The following SYT9 variants were observed in gnomAD, a reference collection of about 807,000 sequenced individuals.
SYT9 encodes the protein synaptotagmin 9.
In SYT9, 22 loss-of-function variants were observed where a neutral mutation model predicts 48.4. The observed-to-expected ratio is 0.45, with a 90% CI of 0.32 to 0.65. The LOEUF (loss-of-function observed/expected upper bound fraction) is 0.65, where lower values mean the gene tolerates loss of function less well. Ranked by LOEUF, SYT9 falls within the 30% of genes least tolerant of loss-of-function variation. SYT9 has a pLI of 0.03. For missense variants in SYT9, 577 were observed against 622.0 expected, an observed-to-expected ratio of 0.93 and a Z score of 0.77; for synonymous variants, 265 against 245.0, an observed-to-expected ratio of 1.08 and a Z score of -0.76.
chr11:7,465,096 G>A (rs780208815), intron 6 of SYT9, among the ~76,000 whole-genome samples: 1 of 151,680 alleles, frequency 6.6e-6, no homozygotes, highest in Non-Finnish European at 1.5e-5. Context: ...CAAAAAAAAC[G>A]AAAGTAGAGC....
At chr11:7,279,541 C>G (rs74379356) in intron 1 of SYT9, among the ~76,000 whole-genome samples, 3,117 of 152,078 alleles carry the variant, frequency 0.02, 85 homozygotes, top group African/African-American at 0.069. Flanking sequence ...ACTGCATTTC[C>G]CCAACTGAGA....
chr11:7,444,466 C>T (rs1847892994), intron 6 of SYT9: 1 of 152,104 alleles, frequency 6.6e-6, no homozygotes, highest in African/African-American at 2.4e-5. Context: ...GCTGGGGCTC[C>T]TTGGAGAGAT....
chr11:7,413,724 T>C (rs1471544164), intron 3 of SYT9, among the ~76,000 whole-genome samples: 1 of 151,980 alleles, frequency 6.6e-6, no homozygotes, highest in Non-Finnish European at 1.5e-5. Context: ...TTCTTTTCCA[T>C]GGTAGAGGCA....
chr11:7,411,602 C>T lies in SYT9; in HGVS notation c.1045-4440C>T, dbSNP rs180673704. Among the ~76,000 whole-genome samples, 92 of 152,144 alleles carry T rather than the reference C, an allele frequency of 6.0e-4. 1 individual carries two copies. Among genetic ancestry groups the T allele is most frequent in the African/African-American group, 1.9e-3 (77 of 41,498 alleles). ...ATACTTTCTTAGCCTGATGGGGTTT[C>T]CTTTATAGGTGACTAGACACTTTTG... On this transcript the variant is annotated intron_variant, in intron 3 of 6. Coordinates refer to ENST00000318881, the MANE Select transcript of SYT9 (RefSeq NM_175733.4).
At chr11:7,297,688 TCTC>T (rs1564851914) in intron 1 of SYT9, among the ~76,000 whole-genome samples, 1 of 152,188 alleles carries the variant, frequency 6.6e-6, no homozygotes, top group African/African-American at 2.4e-5. Context: ...CTCATTTTAA[TCTC>T]CTACATTCAT....
chr11:7,392,288 T>TGATA (rs1287050265), intron 3 of SYT9, among the ~76,000 whole-genome samples: 1 of 152,202 alleles, frequency 6.6e-6, no homozygotes, highest in African/African-American at 2.4e-5. Flanking sequence ...TTGTATATTA[T>TGATA]GATAGATAGG....
At chr11:7,338,342 T>A (rs1456811584) in intron 3 of SYT9, among the ~76,000 whole-genome samples, 1 of 152,216 alleles carries the variant, frequency 6.6e-6, no homozygotes, top group Non-Finnish European at 1.5e-5. Context: ...TTTTCATGTC[T>A]CAATATTCTT....
chr11:7,360,105 G>T (rs1315037570), intron 3 of SYT9, among the ~76,000 whole-genome samples: 5 of 152,058 alleles, frequency 3.3e-5, no homozygotes, highest in African/African-American at 1.2e-4. Flanking sequence ...TTATTAAATA[G>T]GGAATCCTTT....
intron 3 of SYT9, among the ~76,000 whole-genome samples, chr11:7,410,701 A>AT (rs144558996): frequency 0.024 from 3,625 of 152,080 alleles, 140 homozygotes; most frequent in African/African-American, 0.079. Context: ...TTTGAGTGGA[A>AT]TTTTTTTGCA....
chr11:7,456,020 A>G (rs1012429278), intron 6 of SYT9, among the ~76,000 whole-genome samples: 3 of 152,192 alleles, frequency 2.0e-5, no homozygotes, highest in Non-Finnish European at 2.9e-5. Context: ...CTAGTGAGCA[A>G]TGCCCCATTT....
Position 7,338,042 on chromosome 11 carries a change from T to C in SYT9, c.1044+24101T>C, listed in dbSNP as rs1266181848. On this transcript the variant is annotated intron_variant, in intron 3 of 6. Transcript: ENST00000318881. ...TTATTCTTGTTTCAATTTCAGAGCT[T>C]GTTACTGGCCTGTTAAGGGATTCTG... 2.0e-5 allele frequency among the ~76,000 whole-genome samples: 3 copies of C among 152,184 alleles called. No individual in the cohort carries two copies. The East Asian group carries it at 5.8e-4, about 29-fold the overall frequency.
At chr11:7,398,829 A>G (rs1221680355) in intron 3 of SYT9, among the ~76,000 whole-genome samples, 1 of 151,968 alleles carries the variant, frequency 6.6e-6, no homozygotes, top group Non-Finnish European at 1.5e-5. Context: ...ACAGCACACA[A>G]TTTTCAGCCT....
intron 3 of SYT9, among the ~76,000 whole-genome samples, chr11:7,345,264 G>A (rs532195734): frequency 6.6e-6 from 1 of 152,198 alleles, no homozygotes; most frequent in South Asian, 2.1e-4. Context: ...GTTTTCACCT[G>A]TCTGTACTGT....
At chr11:7,341,027 C>A (rs1046743125) in intron 3 of SYT9, among the ~76,000 whole-genome samples, 1 of 152,182 alleles carries the variant, frequency 6.6e-6, no homozygotes, top group African/African-American at 2.4e-5. Context: ...CTGTCCCTAC[C>A]TCTGGGAGCT....
Position 7,436,944 on chromosome 11 carries a change from A to T in SYT9, c.1467+16309A>T, listed in dbSNP as rs777429863. ...TCTTCTGTAAAATGGGGATATCAGT[A>T]GCTAGTTTTAGATAACTGTGTGAGG... On this transcript the variant is annotated intron_variant, in intron 6 of 6. Coordinates refer to ENST00000318881, the MANE Select transcript of SYT9 (RefSeq NM_175733.4). Among the ~76,000 whole-genome samples the T allele has an allele frequency of 5.9e-5, 9 of 152,372 alleles. No individual in the cohort carries two copies. In the South Asian group the frequency reaches 6.2e-4, roughly 11 times the overall value.
chr11:7,343,385 T>C (rs1849746472), intron 3 of SYT9, among the ~76,000 whole-genome samples: 1 of 152,218 alleles, frequency 6.6e-6, no homozygotes, highest in Non-Finnish European at 1.5e-5. Flanking sequence ...TTCTGCCAGA[T>C]ACCCTAAATC....
chr11:7,265,219 A>G lies in SYT9; in HGVS notation c.145+12888A>G, dbSNP rs189635617. Reference sequence around the variant, plus strand: ...GAAGTCAAGCACATTTTGTGGGAAAATAATGAGATTGATTTTAAACACATT... The same window carrying G: ...GAAGTCAAGCACATTTTGTGGGAAAGTAATGAGATTGATTTTAAACACATT... On this transcript the variant is annotated intron_variant, in intron 1 of 6. Transcript: ENST00000318881. 1.6e-3 allele frequency among the ~76,000 whole-genome samples: 249 copies of G among 152,286 alleles called. 2 individuals carry two copies. The highest frequency in any genetic ancestry group is 0.01 in the Middle Eastern group (3 of 294).
chr11:7,335,066 G>T (rs1849611195), intron 3 of SYT9, among the ~76,000 whole-genome samples: 1 of 152,148 alleles, frequency 6.6e-6, no homozygotes, highest in East Asian at 1.9e-4. Context: ...TTACCAAAAT[G>T]ATTGTATCAT....
At chr11:7,389,718 A>G (rs948154957) in intron 3 of SYT9, among the ~76,000 whole-genome samples, 18 of 152,188 alleles carry the variant, frequency 1.2e-4, no homozygotes, top group Admixed American at 6.5e-4. Flanking sequence ...ATCTATCACT[A>G]AGGACCAAGC....
Sources: gnomAD v4.1 joint callset for allele counts (sites outside exome capture counted in the v4.1 genomes callset) on GRCh38, gnomAD v4.1.1 for gene constraint, MANE v1.5 for transcripts, NCBI Gene and HGNC (gene_info 2026-07-23, HGNC 2026-07-21) for gene names.